The following MED13L variants were observed in gnomAD, a reference collection of about 807,000 sequenced individuals.
MED13L encodes the protein mediator complex subunit 13L.
Under a neutral mutation model 220.9 loss-of-function variants are expected in MED13L, and 7 were observed. The ratio of observed to expected loss-of-function variants is 0.03; its 90% CI spans 0.02 to 0.06. The LOEUF is 0.06. Ranked by LOEUF, MED13L falls within the 10% of genes least tolerant of loss-of-function variation. The pLI is 1.00. For synonymous variants in MED13L, 1,011 were observed against 1,015.2 expected (o/e 1.00, Z 0.08); for missense variants, 1,965 against 2,760.5 (o/e 0.71, Z 6.46).
intron 2 of MED13L, among the ~76,000 whole-genome samples, chr12:116,186,170 T>C (rs1880889022): frequency 6.6e-6 from 1 of 152,254 alleles, no homozygotes; most frequent in Non-Finnish European, 1.5e-5. Context: ...AATTGCTGAA[T>C]TAACATAGCA....
chr12:116,130,519 C>T lies in MED13L; in HGVS notation c.311-19007G>A, dbSNP rs190253424. Among the ~76,000 whole-genome samples the T allele has an allele frequency of 2.6e-5, 4 of 152,246 alleles. No homozygotes were observed. The East Asian group carries it at 7.7e-4, about 29-fold the overall frequency. On this transcript the variant is annotated intron_variant, in intron 2 of 30. Transcript: ENST00000281928. Reference sequence around the variant, plus strand: ...CTGTTTTAGAAATGAGCAAGTCAAGCTTGACAAAAGGCCAAAAAGGACTTT... The same window carrying T: ...CTGTTTTAGAAATGAGCAAGTCAAGTTTGACAAAAGGCCAAAAAGGACTTT...
intron 2 of MED13L, among the ~76,000 whole-genome samples, chr12:116,119,576 C>T (rs1874822210): frequency 6.6e-6 from 1 of 151,652 alleles, no homozygotes; most frequent in Non-Finnish European, 1.5e-5. Context: ...GGCACAGTGC[C>T]TTACACCTGT....
chr12:115,973,747 C>A (rs1876745949), intron 25 of MED13L, among the ~76,000 whole-genome samples: 2 of 152,096 alleles, frequency 1.3e-5, no homozygotes, highest in African/African-American at 4.8e-5. Flanking sequence ...ATGTATTAGA[C>A]CTCCAGGCTC....
At chr12:115,998,304 G>A (rs1878531239) in intron 14 of MED13L, among the ~76,000 whole-genome samples, 1 of 152,218 alleles carries the variant, frequency 6.6e-6, no homozygotes, top group African/African-American at 2.4e-5. Context: ...TTTTAAATCA[G>A]TGATTTAATG....
chr12:116,067,676 G>A (rs963323384), intron 4 of MED13L, among the ~76,000 whole-genome samples: 2 of 152,180 alleles, frequency 1.3e-5, no homozygotes, highest in Non-Finnish European at 2.9e-5. Context: ...AGGAGTGAAA[G>A]GCACAGATTT....
At chr12:116,181,601 G>A (rs1010062438) in intron 2 of MED13L, among the ~76,000 whole-genome samples, 1 of 152,020 alleles carries the variant, frequency 6.6e-6, no homozygotes, top group African/African-American at 2.4e-5. Flanking sequence ...TCCACCTCCC[G>A]GGTTTAAGCA....
At chr12:115,990,700 G>C (rs939339075) in intron 17 of MED13L, among the ~76,000 whole-genome samples, 1 of 152,212 alleles carries the variant, frequency 6.6e-6, no homozygotes. Flanking sequence ...GCATGCAAGA[G>C]TGTGCAAATT....
intron 4 of MED13L, among the ~76,000 whole-genome samples, chr12:116,088,374 T>C (rs1243253006): frequency 6.6e-6 from 1 of 152,182 alleles, no homozygotes; most frequent in Admixed American, 6.5e-5. Flanking sequence ...ACTATGTGCA[T>C]GGTGCAGGCT....
chr12:116,269,498 G>GAAAAAAA (rs1873100663), intron 1 of MED13L, among the ~76,000 whole-genome samples: 1 of 116,146 alleles, frequency 8.6e-6, no homozygotes. Flanking sequence ...AGACACTAAT[G>GAAAAAAA]AAATTTTGAT....
At chr12:116,033,743 C>A (rs913936852) in intron 4 of MED13L, among the ~76,000 whole-genome samples, 1 of 147,960 alleles carries the variant, frequency 6.8e-6, no homozygotes, top group Non-Finnish European at 1.5e-5. Flanking sequence ...AAGTATGAAT[C>A]ATGAGTGTGT....
chr12:116,042,902 C>T (rs1347151436), intron 4 of MED13L, among the ~76,000 whole-genome samples: 1 of 152,162 alleles, frequency 6.6e-6, no homozygotes, highest in South Asian at 2.1e-4. Context: ...CACTGTTTAC[C>T]CTCAAGAGCT....
intron 4 of MED13L, among the ~76,000 whole-genome samples, chr12:116,050,233 T>C (rs1239011517): frequency 6.6e-6 from 1 of 152,180 alleles, no homozygotes; most frequent in African/African-American, 2.4e-5. Flanking sequence ...TTCCCAATAA[T>C]GGTAACCTGG....
chr12:116,075,999 C>T (rs1234362926), intron 4 of MED13L, among the ~76,000 whole-genome samples: 2 of 150,966 alleles, frequency 1.3e-5, no homozygotes, highest in Non-Finnish European at 3.0e-5. Context: ...CTGCAAGCTC[C>T]GCCTCCCGGG....
At chr12:116,164,530 C>T (rs1879109815) in intron 2 of MED13L, among the ~76,000 whole-genome samples, 1 of 152,186 alleles carries the variant, frequency 6.6e-6, no homozygotes, top group Non-Finnish European at 1.5e-5. Flanking sequence ...ACATTTAAAA[C>T]CAGACGCTTT....
chr12:116,239,532 CT>C (rs1212635118), intron 1 of MED13L, among the ~76,000 whole-genome samples: 3 of 152,028 alleles, frequency 2.0e-5, no homozygotes, highest in Non-Finnish European at 2.9e-5. Flanking sequence ...CACTTTTAAT[CT>C]TTGCATAATA....
intron 2 of MED13L, among the ~76,000 whole-genome samples, chr12:116,138,057 T>C (rs1876729552): frequency 6.6e-6 from 1 of 152,044 alleles, no homozygotes; most frequent in South Asian, 2.1e-4. Context: ...GGTTTTACCA[T>C]GTTGGCCAGG....
intron 1 of MED13L, among the ~76,000 whole-genome samples, chr12:116,256,246 C>T (rs1389210214): frequency 6.9e-6 from 1 of 145,702 alleles, no homozygotes; most frequent in Non-Finnish European, 1.5e-5. Context: ...TTTTCACAGC[C>T]AACAGCAAAT....
At chr12:116,173,300 G>A (rs960442275) in intron 2 of MED13L, among the ~76,000 whole-genome samples, 1 of 152,076 alleles carries the variant, frequency 6.6e-6, no homozygotes, top group Admixed American at 6.6e-5. Flanking sequence ...ACTTGACCAG[G>A]TATGGCACTG....
At chr12:115,999,721 T>G (rs1327811834) in intron 14 of MED13L, among the ~76,000 whole-genome samples, 1 of 152,216 alleles carries the variant, frequency 6.6e-6, no homozygotes, top group Non-Finnish European at 1.5e-5. Context: ...TTTTTACATT[T>G]CCTGTAAGAA....
Sources: allele counts gnomAD v4.1 joint callset (sites outside exome capture counted in the v4.1 genomes callset), GRCh38; gene constraint gnomAD v4.1.1; transcripts MANE v1.5; gene names NCBI Gene and HGNC (gene_info 2026-07-23, HGNC 2026-07-21).